Variants in USP32 observed in about 807,000 individuals in gnomAD.
The protein encoded by USP32 is ubiquitin carboxyl-terminal hydrolase 32.
Under a neutral mutation model 204.8 loss-of-function variants are expected in USP32, and 59 were observed. The ratio of observed to expected loss-of-function variants is 0.29; its 90% confidence interval spans 0.23 to 0.36. The LOEUF (loss-of-function observed/expected upper bound fraction) is 0.36. USP32 is among the 10% of genes least tolerant of loss of function. The probability of loss-of-function intolerance (pLI) is 1.00; values close to 1 mark genes in which losing one functional copy is unlikely to be tolerated. For synonymous variants in USP32, 517 were observed against 678.4 expected, an observed-to-expected ratio of 0.76 and a Z score of 3.70; for missense variants, 1,160 against 1,946.4, an observed-to-expected ratio of 0.60 and a Z score of 7.60.
At chr17:60,255,361 G>C in intron 9 of USP32, 103 bp from the exon 10 acceptor site, 2 of 836,284 alleles carry the variant, frequency 2.4e-6, no homozygotes, top group Non-Finnish European at 3.5e-6. Context: ...GCAATGGCAC[G>C]ATCTTGGCTC....
chr17:60,355,905 A>T (rs2089064496), intron 1 of USP32, among the ~76,000 whole-genome samples: 1 of 150,928 alleles, frequency 6.6e-6, no homozygotes, highest in Admixed American at 6.6e-5. Context: ...AAAAAAAAAA[A>T]AAAAAAGCAG....
intron 1 of USP32, among the ~76,000 whole-genome samples, chr17:60,379,816 T>A (rs1358061628): frequency 1.3e-5 from 2 of 152,230 alleles, no homozygotes; most frequent in Non-Finnish European, 2.9e-5. Flanking sequence ...GATTTTTAAA[T>A]AGCAACATAT....
chr17:60,245,262 A>G, intron 11 of USP32: 1 of 207,536 alleles, frequency 4.8e-6, no homozygotes, highest in Non-Finnish European at 9.6e-6. Flanking sequence ...GGTTTTATTT[A>G]AACATAAAAC....
chr17:60,249,705 A>G (rs1317435595), intron 11 of USP32: 2 of 700,418 alleles, frequency 2.9e-6, no homozygotes, highest in Non-Finnish European at 5.2e-6. Context: ...GTAGTTCTTG[A>G]ATAAATGCTT....
At position 60,358,967 on chromosome 17, in the gene USP32, C is replaced by G. The variant is rs533463789; in HGVS notation, c.59-13359G>C. Among the ~76,000 whole-genome samples the G allele has an allele frequency of 5.9e-5, 9 of 152,282 alleles. No homozygotes were observed. In the East Asian group the frequency reaches 1.5e-3, roughly 26 times the overall value. ...AAATTTAAAATGCAAACCTTAGAAC[C>G]AGAAGGTAGAGACACACGAGAGGTT... On this transcript the variant is annotated intron_variant, in intron 1 of 33. Transcript: ENST00000300896.
intron 2 of USP32, among the ~76,000 whole-genome samples, chr17:60,307,085 T>C (rs2145907588): frequency 6.6e-6 from 1 of 151,864 alleles, no homozygotes; most frequent in African/African-American, 2.4e-5. Flanking sequence ...TTGGAATAAT[T>C]AATTTTTTTT....
chr17:60,204,436 T>C (rs2084770154), intron 26 of USP32, among the ~76,000 whole-genome samples: 1 of 151,720 alleles, frequency 6.6e-6, no homozygotes, highest in Non-Finnish European at 1.5e-5. Context: ...CCTAAAGGGA[T>C]CCTCCTAAAC....
Position 60,386,018 on chromosome 17 carries a change from A to AACAC in USP32, c.58+5860_58+5863dup, listed in dbSNP as rs146544566. 1.7e-4 allele frequency among the ~76,000 whole-genome samples: 26 copies of AACAC among 149,604 alleles called. No homozygotes were observed. The East Asian group carries it at 4.1e-3, about 24-fold the overall frequency. On this transcript the variant is annotated intron_variant, in intron 1 of 33. Coordinates refer to ENST00000300896, the MANE Select transcript of USP32 (RefSeq NM_032582.4). ...AGAAAATTCTATTCTATTGCTGCATAACACACACACACACACACAACACAA... is the reference window on the plus strand; with the variant it reads ...AGAAAATTCTATTCTATTGCTGCATAACACACACACACACACACACACAACACAA...
At chr17:60,333,088 G>A (rs965581377) in intron 2 of USP32, among the ~76,000 whole-genome samples, 4 of 152,104 alleles carry the variant, frequency 2.6e-5, no homozygotes, top group African/African-American at 4.8e-5. Context: ...ACAAATTAAA[G>A]ACTTCAATTA....
intron 3 of USP32, among the ~76,000 whole-genome samples, chr17:60,298,937 A>G (rs547861776): frequency 6.6e-6 from 1 of 152,284 alleles, no homozygotes; most frequent in South Asian, 2.1e-4. Context: ...AGCCTGGGCA[A>G]CCTAGCAAGA....
chr17:60,349,065 T>C (rs903548434), intron 1 of USP32, among the ~76,000 whole-genome samples: 28 of 151,912 alleles, frequency 1.8e-4, no homozygotes, highest in African/African-American at 6.5e-4. Flanking sequence ...TTGTTCACAG[T>C]CTAGTGGAGG....
At position 60,190,576 on chromosome 17, in the gene USP32, G is replaced by A. The variant is rs780127305; in HGVS notation, c.3629C>T (p.Thr1210Ile). ...CTAAATACTTACCCTTTCCTGGGAT[G>A]TTTGATAGCGAAGGTGAAGGGCTGT... ...DPTALHLRYQTSQERVVDEHE... is the reference protein window; with the variant it reads ...DPTALHLRYQISQERVVDEHE... Residue 1210 changes from threonine to isoleucine, a missense_variant, in exon 29 of 34, where the codon ACA (threonine) becomes ATA (isoleucine). By Grantham distance (89) the Thr-to-Ile change is moderately conservative (BLOSUM62 -1). Around this residue, in one of 8 missense-constraint regions of USP32, gnomAD observed 160 missense variants for 322.5 expected, o/e 0.50. Transcript: ENST00000300896. 6.3e-7 allele frequency: 1 copy of A among 1,585,540 alleles called. No individual in the cohort carries two copies. Among genetic ancestry groups the A allele is most frequent in the Non-Finnish European group, 8.5e-7 (1 of 1,171,912 alleles).
intron 1 of USP32, among the ~76,000 whole-genome samples, chr17:60,375,601 G>GTTGT (rs145397314): frequency 1.3e-5 from 2 of 151,922 alleles, no homozygotes; most frequent in East Asian, 1.9e-4. Context: ...GTGTTTTGTT[G>GTTGT]TTGTTTGTTT....
intron 1 of USP32, among the ~76,000 whole-genome samples, chr17:60,385,829 ACT>A (rs1339131598): frequency 1.3e-5 from 2 of 150,384 alleles, no homozygotes; most frequent in East Asian, 2.0e-4. Flanking sequence ...AGCAATAGAG[ACT>A]CTGTCTCAAA....
intron 1 of USP32, among the ~76,000 whole-genome samples, chr17:60,362,622 A>G (rs2089232414): frequency 6.6e-6 from 1 of 152,200 alleles, no homozygotes; most frequent in African/African-American, 2.4e-5. Context: ...AGTATTCATT[A>G]GTTTTTTTCG....
At position 60,255,030 on chromosome 17, in the gene USP32, C is replaced by T. The variant is rs189545937; in HGVS notation, c.1074+145G>A. The T allele has an allele frequency of 7.4e-4, 413 of 561,298 alleles. No individual in the cohort carries two copies. The African/African-American group carries it at 7.4e-3, about 10-fold the overall frequency. The allele number at this position is 561,298 out of a possible 1,614,324, so 34.8% of individuals were successfully genotyped here. On this transcript the variant is annotated intron_variant, in intron 10 of 33. Transcript: ENST00000300896. ...CAAACTTCAGCAAGCACCCATCTTT[C>T]AGACGAGTAATGTAGTTCTTTTTTT...
At chr17:60,383,878 T>C (rs2146121084) in intron 1 of USP32, among the ~76,000 whole-genome samples, 1 of 152,210 alleles carries the variant, frequency 6.6e-6, no homozygotes, top group East Asian at 1.9e-4. Flanking sequence ...TAAAAATTAA[T>C]TATAGACTTT....
intron 26 of USP32, among the ~76,000 whole-genome samples, chr17:60,199,959 G>A (rs1027200778): frequency 2.0e-5 from 3 of 152,136 alleles, no homozygotes; most frequent in Admixed American, 2.0e-4. Context: ...ACTTCAGGAG[G>A]CCGAGGCGGG....
chr17:60,262,466 A>T (rs1411495839), intron 9 of USP32, among the ~76,000 whole-genome samples: 1 of 152,260 alleles, frequency 6.6e-6, no homozygotes, highest in East Asian at 1.9e-4. Context: ...TGCTGGGATT[A>T]CAGGCGTGAG....
Sources: allele counts gnomAD v4.1 joint callset (sites outside exome capture counted in the v4.1 genomes callset), GRCh38; gene constraint gnomAD v4.1.1; regional missense constraint gnomAD v4.1.1; transcripts MANE v1.5; gene names NCBI Gene and HGNC (gene_info 2026-07-23, HGNC 2026-07-21).